The following CCNY variants were observed in gnomAD, a reference collection of about 807,000 sequenced individuals.
CCNY encodes cyclin Y, also known as cyclin-Y.
In CCNY, 19 loss-of-function variants were observed where a neutral mutation model predicts 42.8. The ratio of observed to expected loss-of-function variants is 0.44; its 90% CI spans 0.31 to 0.65. CCNY has a LOEUF of 0.65. Ranked by LOEUF, CCNY falls within the 30% of genes least tolerant of loss-of-function variation. The pLI, the probability that CCNY is intolerant of heterozygous loss-of-function variation, is 0.07. For synonymous variants in CCNY, 165 were observed against 162.7 expected (o/e 1.01, Z -0.11); for missense variants, 370 against 437.3 (o/e 0.85, Z 1.37).
intron 1 of CCNY, among the ~76,000 whole-genome samples, chr10:35,429,663 G>A (rs1359172465): frequency 1.3e-5 from 2 of 152,190 alleles, no homozygotes; most frequent in African/African-American, 2.4e-5. Flanking sequence ...TAGTTCAGTT[G>A]CTGGTATGTA....
chr10:35,565,463 G>A (rs1408567859), intron 8 of CCNY, among the ~76,000 whole-genome samples: 2 of 152,148 alleles, frequency 1.3e-5, no homozygotes, highest in South Asian at 2.1e-4. Context: ...CATTCTTCCC[G>A]GCTTGTGAGT....
rs189318248 is a variant in CCNY at position 35,266,168 on chromosome 10, C to T, written c.-9+15542C>T. 4.1e-3 allele frequency among the ~76,000 whole-genome samples: 623 copies of T among 152,048 alleles called. 4 individuals are homozygous for T. Among genetic ancestry groups the T allele is most frequent in the Admixed American group, 6.3e-3 (96 of 15,272 alleles). On this transcript the variant is annotated intron_variant, in intron 3 of 11. Coordinates refer to the CCNY transcript ENST00000374706. ...TCTCGGCTCACTACAACCTCCACCT[C>T]CCAGGTTCAAGCAATTCTCCTGTCT...
intron 1 of CCNY, among the ~76,000 whole-genome samples, chr10:35,404,326 T>G (rs1281979772): frequency 6.6e-6 from 1 of 152,166 alleles, no homozygotes; most frequent in African/African-American, 2.4e-5. Context: ...CACACAGCCC[T>G]GCACTTTGGC....
chr10:35,563,418 C>G (rs1408429747), intron 8 of CCNY, among the ~76,000 whole-genome samples: 1 of 152,150 alleles, frequency 6.6e-6, no homozygotes, highest in African/African-American at 2.4e-5. Flanking sequence ...GATTATCAGG[C>G]TGTTCTCTTA....
At chr10:35,304,629 A>G (rs967126385) in intron 3 of CCNY, among the ~76,000 whole-genome samples, 1 of 152,130 alleles carries the variant, frequency 6.6e-6, no homozygotes, top group Non-Finnish European at 1.5e-5. Context: ...CTTTTAATTA[A>G]AAGTGGTTTG....
At chr10:35,363,836 G>C (rs1417611171) in intron 1 of CCNY, among the ~76,000 whole-genome samples, 3 of 152,188 alleles carry the variant, frequency 2.0e-5, no homozygotes, top group African/African-American at 7.2e-5. Context: ...GAGAGAGGGA[G>C]GATTCAGAGT....
chr10:35,444,334 G>T (rs1838744063), intron 1 of CCNY, among the ~76,000 whole-genome samples: 1 of 149,472 alleles, frequency 6.7e-6, no homozygotes, highest in South Asian at 2.1e-4. Context: ...TGCAACCTCT[G>T]CCCCCCGGGT....
intron 3 of CCNY, among the ~76,000 whole-genome samples, chr10:35,255,171 T>C (rs2095714632): frequency 6.6e-6 from 1 of 152,194 alleles, no homozygotes; most frequent in Non-Finnish European, 1.5e-5. Context: ...TCCTTACTTA[T>C]CTTCTGTCTG....
In CCNY at chr10:35,292,118, G is replaced by T. The variant is rs181435072; in HGVS notation, c.-9+41492G>T. On this transcript the variant is annotated intron_variant, in intron 3 of 11. Coordinates refer to the CCNY transcript ENST00000374706. ...GTTTGCATCTCCTTGACAGCTAACGGTGTTGCATCTTTTCATGGTTTATTG... is the reference window on the plus strand; with the variant it reads ...GTTTGCATCTCCTTGACAGCTAACGTTGTTGCATCTTTTCATGGTTTATTG... 5.9e-5 allele frequency among the ~76,000 whole-genome samples: 9 copies of T among 152,206 alleles called. No individual in the cohort carries two copies. In the East Asian group the frequency reaches 1.5e-3, roughly 26 times the overall value.
intron 3 of CCNY, among the ~76,000 whole-genome samples, chr10:35,296,186 T>C (rs910143035): frequency 2.6e-5 from 4 of 152,010 alleles, no homozygotes; most frequent in East Asian, 1.9e-4. Context: ...CAGAGCTGAA[T>C]TGAAGGAAAT....
intron 1 of CCNY, among the ~76,000 whole-genome samples, chr10:35,343,832 G>A (rs1180757432): frequency 6.6e-6 from 1 of 152,204 alleles, no homozygotes; most frequent in Non-Finnish European, 1.5e-5. Context: ...ATCACATAGG[G>A]TCAGAGATTT....
chr10:35,345,663 A>G (rs1014160584), intron 1 of CCNY, among the ~76,000 whole-genome samples: 2 of 152,216 alleles, frequency 1.3e-5, no homozygotes, highest in Admixed American at 6.5e-5. Context: ...TGGACTGTCC[A>G]TAGTTGGAGA....
At chr10:35,380,989 A>G (rs928144386) in intron 1 of CCNY, among the ~76,000 whole-genome samples, 3 of 152,202 alleles carry the variant, frequency 2.0e-5, no homozygotes, top group African/African-American at 7.2e-5. Context: ...TGATAGGCAG[A>G]CAGCGGCATC....
chr10:35,537,465 A>G (rs1193840098), intron 7 of CCNY, among the ~76,000 whole-genome samples: 2 of 152,196 alleles, frequency 1.3e-5, no homozygotes, highest in African/African-American at 4.8e-5. Context: ...TGCACCTGGA[A>G]AAATTGCAGA....
chr10:35,336,724 C>G lies in CCNY; in HGVS notation c.-330C>G, dbSNP rs964822835. Reference sequence around the variant, plus strand: ...CGCGGGGGGGAGGCGGCCTGCGCGGCGCCGCCCGCCATGGCCGCGGCGGGG... The same window carrying G: ...CGCGGGGGGGAGGCGGCCTGCGCGGGGCCGCCCGCCATGGCCGCGGCGGGG... On this transcript the variant is annotated 5_prime_UTR_variant, in exon 1 of 10. Coordinates refer to ENST00000374704, the MANE Select transcript of CCNY (RefSeq NM_145012.6). 1 of 147,048 alleles carries G rather than the reference C, an allele frequency of 6.8e-6. No individual in the cohort carries two copies. Among genetic ancestry groups the G allele is most frequent in the African/African-American group, 2.4e-5 (1 of 40,882 alleles). 9.1% of individuals were successfully genotyped at this position (147,048 alleles called of 1,614,324 possible).
At chr10:35,451,772 C>T (rs1271950824) in intron 1 of CCNY, among the ~76,000 whole-genome samples, 1 of 152,186 alleles carries the variant, frequency 6.6e-6, no homozygotes, top group Non-Finnish European at 1.5e-5. Flanking sequence ...TTACCCTCTA[C>T]AACAGTGCAG....
intron 1 of CCNY, among the ~76,000 whole-genome samples, chr10:35,411,512 CAAAAAAAAAA>C (rs59117826): frequency 4.9e-5 from 3 of 61,394 alleles, no homozygotes; most frequent in Non-Finnish European, 9.2e-5. Context: ...AAGACTCTGT[CAAAAAAAAAA>C]AAAAAAAAAA....
At chr10:35,516,471 A>G in intron 3 of CCNY, 52 bp from the exon 4 acceptor site, 1 of 1,246,142 alleles carries the variant, frequency 8.0e-7, no homozygotes, top group Non-Finnish European at 1.2e-6. Context: ...GTTTCTTGGA[A>G]GAATTCTGAG....
In CCNY at chr10:35,426,109, G is replaced by GCACACACACA. The variant is rs1341818857; in HGVS notation, c.155-57294_155-57293insACACACACAC. On this transcript the variant is annotated intron_variant, in intron 1 of 9. Transcript: ENST00000374704. Reference sequence around the variant, plus strand: ...TCTTCTCCCTTCACTGGTCCAGCACGCGCACACACACACACACACACACAC... The same window carrying GCACACACACA: ...TCTTCTCCCTTCACTGGTCCAGCACGCACACACACACGCACACACACACACACACACACAC... 3.9e-4 allele frequency among the ~76,000 whole-genome samples: 44 copies of GCACACACACA among 111,676 alleles called. 3 individuals are homozygous for GCACACACACA. Among genetic ancestry groups the GCACACACACA allele is most frequent in the East Asian group, 7.7e-4 (3 of 3,920 alleles). 73.3% of individuals were successfully genotyped at this position (111,676 alleles called of 152,430 possible).
Sources: gnomAD v4.1 joint callset for allele counts (sites outside exome capture counted in the v4.1 genomes callset) on GRCh38, gnomAD v4.1.1 for gene constraint, MANE v1.5 for transcripts, NCBI Gene and HGNC (gene_info 2026-07-23, HGNC 2026-07-21) for gene names.